CR1L: variants seen among roughly 807,000 people sequenced by gnomAD.
CR1L encodes complement component receptor 1-like protein.
Under a neutral mutation model 62.3 loss-of-function variants are expected in CR1L, and 59 were observed. The ratio of observed to expected loss-of-function variants is 0.95; its 90% CI spans 0.77 to 1.18. The LOEUF (loss-of-function observed/expected upper bound fraction) is 1.18. Among genes scored for constraint, CR1L ranks in the 50% most tolerant of loss-of-function variants. CR1L has a pLI of 0.00. For missense variants in CR1L, 700 were observed against 702.8 expected (o/e 1.00, Z 0.04); for synonymous variants, 279 against 248.7 (o/e 1.12, Z -1.15).
intron 1 of CR1L, among the ~76,000 whole-genome samples, chr1:207,674,846 C>T (rs1558015475): frequency 6.6e-6 from 1 of 150,578 alleles, no homozygotes; most frequent in East Asian, 1.9e-4. Flanking sequence ...CTGAAAGTCA[C>T]GGAACTGTTT....
intron 10 of CR1L, among the ~76,000 whole-genome samples, chr1:207,716,876 A>G (rs1287159051): frequency 1.3e-5 from 2 of 152,224 alleles, no homozygotes; most frequent in African/African-American, 2.4e-5. Context: ...GGAAGAAATG[A>G]TGGCTAATAA....
At chr1:207,674,252 A>G (rs942406385) in intron 1 of CR1L, among the ~76,000 whole-genome samples, 1 of 152,210 alleles carries the variant, frequency 6.6e-6, no homozygotes, top group African/African-American at 2.4e-5. Context: ...GGTATGATGG[A>G]AATGTTCATT....
Position 207,717,575 on chromosome 1 carries a change from A to G in CR1L, c.1526A>G (p.Asp509Gly). Reference sequence around the variant, plus strand: ...TCTTACACATGTGACCCCCACCCAGACAGAGGGATGACCTTCAACCTCATT... The same window carrying G: ...TCTTACACATGTGACCCCCACCCAGGCAGAGGGATGACCTTCAACCTCATT... ...EVSYTCDPHP[D>G]RGMTFNLIGE... Residue 509 changes from aspartate to glycine, a missense_variant, in exon 11 of 12, where the codon GAC becomes GGC. Transcript: ENST00000508064. 4 of 1,613,952 alleles carry G rather than the reference A, an allele frequency of 2.5e-6. No individual in the cohort carries two copies. The highest frequency in any genetic ancestry group is 3.4e-6 in the Non-Finnish European group (4 of 1,179,852).
At chr1:207,675,394 G>A (rs544604318) in intron 1 of CR1L, among the ~76,000 whole-genome samples, 9 of 152,298 alleles carry the variant, frequency 5.9e-5, no homozygotes, top group African/African-American at 1.2e-4. Flanking sequence ...GGAAGGCTTC[G>A]ATAAGAAGGT....
At chr1:207,671,228 A>G (rs1663610914) in intron 1 of CR1L, among the ~76,000 whole-genome samples, 1 of 150,844 alleles carries the variant, frequency 6.6e-6, no homozygotes, top group African/African-American at 2.5e-5. Context: ...AGCGTTTTGT[A>G]ATCTGAAAAC....
At chr1:207,678,955 C>G (rs1252733353) in intron 3 of CR1L, among the ~76,000 whole-genome samples, 1 of 151,738 alleles carries the variant, frequency 6.6e-6, no homozygotes, top group African/African-American at 2.4e-5. Context: ...CTCTGTCCTC[C>G]TATGCTGTTC....
At chr1:207,649,908 T>C (rs1188089794) in intron 1 of CR1L, among the ~76,000 whole-genome samples, 4 of 152,184 alleles carry the variant, frequency 2.6e-5, no homozygotes, top group African/African-American at 9.7e-5. Context: ...TATGTCGTGG[T>C]AATCCAGATA....
chr1:207,688,010 C>T (rs754642972), intron 4 of CR1L, among the ~76,000 whole-genome samples: 3 of 152,100 alleles, frequency 2.0e-5, no homozygotes, highest in Admixed American at 6.6e-5. Context: ...AGGTGGCTCA[C>T]GTCTATAATC....
chr1:207,655,259 G>GC, intron 1 of CR1L: 1 of 688,938 alleles, frequency 1.5e-6, no homozygotes, highest in Non-Finnish European at 2.5e-6. Flanking sequence ...GGAGCAGTAA[G>GC]CCCCCAATAT....
At chr1:207,714,882 T>C (rs1459395242) in intron 10 of CR1L, among the ~76,000 whole-genome samples, 1 of 152,186 alleles carries the variant, frequency 6.6e-6, no homozygotes, top group African/African-American at 2.4e-5. Flanking sequence ...TTCCTGGCTT[T>C]GCTTACCAAA....
At chr1:207,664,172 C>A (rs1441622594) in intron 1 of CR1L, among the ~76,000 whole-genome samples, 2 of 152,210 alleles carry the variant, frequency 1.3e-5, no homozygotes, top group Non-Finnish European at 2.9e-5. Context: ...CTGATTTCAG[C>A]ACTGCTATCT....
At chr1:207,659,374 C>T (rs1392138980) in intron 1 of CR1L, among the ~76,000 whole-genome samples, 1 of 152,258 alleles carries the variant, frequency 6.6e-6, no homozygotes, top group African/African-American at 2.4e-5. Flanking sequence ...GCAGGCTTGA[C>T]ATCCCCATGG....
intron 1 of CR1L, among the ~76,000 whole-genome samples, chr1:207,649,850 A>C (rs1360250087): frequency 6.6e-6 from 1 of 152,214 alleles, no homozygotes; most frequent in East Asian, 1.9e-4. Flanking sequence ...TAATGTGAAA[A>C]ATGAATTGAA....
chr1:207,677,860 A>G (rs543409625), intron 2 of CR1L, among the ~76,000 whole-genome samples: 1 of 152,368 alleles, frequency 6.6e-6, no homozygotes, highest in Non-Finnish European at 1.5e-5. Flanking sequence ...ATGACTTGGG[A>G]CAAGAAAGAG....
chr1:207,721,706 C>T lies in CR1L; in HGVS notation c.1643-1912C>T, dbSNP rs1183463523. ...ATTTATAGTCCTTTGGGTATATACC[C>T]AGTAATGGGATGGCTGGGTCAAATG... On this transcript the variant is annotated intron_variant, in intron 11 of 11. Coordinates refer to ENST00000508064, the MANE Select transcript of CR1L (RefSeq NM_175710.2). 1.5e-4 allele frequency among the ~76,000 whole-genome samples: 22 copies of T among 151,368 alleles called. 1 individual carries two copies. The highest frequency in any genetic ancestry group is 2.7e-4 in the African/African-American group (11 of 41,034).
At chr1:207,660,139 G>A (rs971130188) in intron 1 of CR1L, among the ~76,000 whole-genome samples, 6 of 152,202 alleles carry the variant, frequency 3.9e-5, no homozygotes, top group East Asian at 1.9e-4. Flanking sequence ...ACACTTAAAC[G>A]TCCCAGCCTG....
At chr1:207,689,259 T>C (rs752448157) in intron 4 of CR1L, among the ~76,000 whole-genome samples, 8 of 152,126 alleles carry the variant, frequency 5.3e-5, no homozygotes, top group Non-Finnish European at 1.2e-4. Context: ...TAATGTAATA[T>C]ATTACATTGA....
Position 207,683,927 on chromosome 1 carries a change from A to G in CR1L, c.433A>G (p.Ile145Val). 1.9e-6 allele frequency: 3 copies of G among 1,613,534 alleles called. No homozygotes were observed. The highest frequency in any genetic ancestry group is 2.5e-6 in the Non-Finnish European group (3 of 1,179,638). The change falls in exon 4 of 12, where the codon ATT (isoleucine) becomes GTT (valine). Residue 145 changes from isoleucine (I) to valine (V), a missense_variant. Coordinates refer to ENST00000508064, the MANE Select transcript of CR1L (RefSeq NM_175710.2). ...ATGCATCATCTCAGGCAACACTGTC[A>G]TTTGGGATAATAAAACACCTGTTTG... ...ATCIISGNTV[I>V]WDNKTPVCDR...
At chr1:207,701,400 T>C (rs1303486508) in intron 8 of CR1L, 119 bp from the exon 9 acceptor site, 3 of 1,338,204 alleles carry the variant, frequency 2.2e-6, no homozygotes, top group African/African-American at 2.9e-5. Flanking sequence ...GGTGCCAAAA[T>C]CTGTGGAACT....
Sources: allele counts gnomAD v4.1 joint callset (sites outside exome capture counted in the v4.1 genomes callset), GRCh38; gene constraint gnomAD v4.1.1; transcripts MANE v1.5; gene names NCBI Gene and HGNC (gene_info 2026-07-23, HGNC 2026-07-21).